Variants in ACSBG1 observed in about 807,000 individuals in gnomAD.
ACSBG1 encodes the protein acyl-CoA synthetase bubblegum family member 1.
Under a neutral mutation model 80.2 loss-of-function variants are expected in ACSBG1, and 39 were observed. That is an observed-to-expected ratio of 0.49 (90% CI 0.38 to 0.64). The LOEUF (loss-of-function observed/expected upper bound fraction) is 0.64. Ranked by LOEUF, ACSBG1 falls within the 30% of genes least tolerant of loss-of-function variation. The pLI is 0.00. For synonymous variants in ACSBG1, 392 were observed against 379.5 expected (o/e 1.03, Z -0.38); for missense variants, 828 against 966.4 (o/e 0.86, Z 1.90).
At chr15:78,193,743 G>A (rs2075081256) in intron 4 of ACSBG1, 117 bp from the exon 5 acceptor site, 2 of 1,463,200 alleles carry the variant, frequency 1.4e-6, no homozygotes, top group South Asian at 2.8e-5. Flanking sequence ...GGCAGGAGGG[G>A]CTCCCAAGGC....
At chr15:78,197,122 T>C (rs904971254) in intron 2 of ACSBG1, among the ~76,000 whole-genome samples, 1 of 151,810 alleles carries the variant, frequency 6.6e-6, no homozygotes, top group Non-Finnish European at 1.5e-5. Flanking sequence ...AGGAATAAAG[T>C]ATTGATAGAG....
intron 11 of ACSBG1, among the ~76,000 whole-genome samples, chr15:78,176,619 A>G (rs2074885290): frequency 6.6e-6 from 1 of 152,210 alleles, no homozygotes; most frequent in Non-Finnish European, 1.5e-5. Flanking sequence ...AAGATGTGCA[A>G]AAATCTCTAC....
chr15:78,205,379 G>C (rs970872939), intron 2 of ACSBG1, among the ~76,000 whole-genome samples: 7 of 152,192 alleles, frequency 4.6e-5, no homozygotes, highest in African/African-American at 1.7e-4. Context: ...CCTGATTCCT[G>C]TGTACAAGAC....
chr15:78,202,604 C>T (rs576077933), intron 2 of ACSBG1, among the ~76,000 whole-genome samples: 1 of 152,330 alleles, frequency 6.6e-6, no homozygotes, highest in East Asian at 1.9e-4. Context: ...CCTAACCTCC[C>T]TCTCTCCCTA....
intron 2 of ACSBG1, among the ~76,000 whole-genome samples, chr15:78,202,202 C>T (rs1158608053): frequency 6.6e-6 from 1 of 151,936 alleles, no homozygotes; most frequent in African/African-American, 2.4e-5. Flanking sequence ...TATGTTCTTT[C>T]CTATTATTAT....
chr15:78,183,274 T>C (rs2074967474), intron 5 of ACSBG1, among the ~76,000 whole-genome samples: 1 of 152,214 alleles, frequency 6.6e-6, no homozygotes. Context: ...AAACAAGTAT[T>C]TACTTATGTT....
intron 1 of ACSBG1, among the ~76,000 whole-genome samples, chr15:78,217,499 G>C (rs905356292): frequency 1.3e-5 from 2 of 152,112 alleles, no homozygotes; most frequent in Admixed American, 1.3e-4. Context: ...GAGGTACAGA[G>C]AGTGAGGCAC....
chr15:78,226,231 T>TA (rs1269245054), intron 1 of ACSBG1, among the ~76,000 whole-genome samples: 2 of 151,658 alleles, frequency 1.3e-5, no homozygotes, highest in Non-Finnish European at 2.9e-5. Flanking sequence ...TATATAGAAA[T>TA]AAAAAAAAGA....
rs945703463 is a variant in ACSBG1, at chr15:78,171,284, C to T, written c.*160G>A. The T allele has an allele frequency of 7.3e-6, 4 of 547,460 alleles. No individual in the cohort carries two copies. Among genetic ancestry groups the T allele is most frequent in the South Asian group, 2.6e-5 (1 of 38,826 alleles). 33.9% of individuals were successfully genotyped at this position (547,460 alleles called of 1,614,324 possible). ...TCTTGGAATTGTCAGCTATTGTTGG[C>T]GTAAGACCTGGTAAATGTAGAGCCA... On this transcript the variant is annotated 3_prime_UTR_variant, in exon 14 of 14. Coordinates refer to ENST00000258873, the MANE Select transcript of ACSBG1 (RefSeq NM_015162.5).
chr15:78,193,852 TA>T, intron 4 of ACSBG1, 79 bp downstream of exon 4: 1 of 1,537,658 alleles, frequency 6.5e-7, no homozygotes, highest in Non-Finnish European at 8.9e-7. Flanking sequence ...TGGGGGCTGC[TA>T]AAAAGAGATA....
chr15:78,210,113 T>C (rs2075254848), intron 1 of ACSBG1, among the ~76,000 whole-genome samples: 1 of 152,160 alleles, frequency 6.6e-6, no homozygotes, highest in Non-Finnish European at 1.5e-5. Flanking sequence ...GGTGGGTGCC[T>C]TTTCCTGGAG....
In ACSBG1 at chr15:78,234,408, T is replaced by C. The variant is rs768671989; in HGVS notation, c.94A>G (p.Met32Val). ...TTTTCTTGGGTGGTCCTCACAATCA[T>C]GTCCTGCCGGCTCTCCTGTGGGGTC... The part of the protein sequence containing the change: ...RETPQESRQD[M>V]IVRTTQEKLK... Residue 32 changes from methionine (M) to valine (V), a missense_variant, in exon 1 of 14, where the codon ATG becomes GTG. Met to Val is a conservative substitution (Grantham distance 21). Coordinates refer to ENST00000258873, the MANE Select transcript of ACSBG1 (RefSeq NM_015162.5). 4 of 1,612,926 alleles carry C rather than the reference T, an allele frequency of 2.5e-6. No homozygotes were observed. The highest frequency in any genetic ancestry group is 2.2e-5 in the South Asian group (2 of 91,080).
intron 1 of ACSBG1, among the ~76,000 whole-genome samples, chr15:78,218,936 C>T (rs940665534): frequency 9.9e-5 from 15 of 151,844 alleles, no homozygotes; most frequent in Middle Eastern, 6.8e-3. Flanking sequence ...CTCAGCCTCC[C>T]GAATAGCTGG....
At chr15:78,203,529 C>T (rs192863674) in intron 2 of ACSBG1, among the ~76,000 whole-genome samples, 41 of 152,240 alleles carry the variant, frequency 2.7e-4, no homozygotes, top group Non-Finnish European at 4.3e-4. Context: ...CTCCCTCTGC[C>T]GCTTCCTCCC....
chr15:78,185,716 T>G (rs2074996448), intron 5 of ACSBG1, among the ~76,000 whole-genome samples: 1 of 151,888 alleles, frequency 6.6e-6, no homozygotes, highest in Non-Finnish European at 1.5e-5. Context: ...ATAACCAAAT[T>G]GCTGAAAATC....
At chr15:78,201,016 C>T (rs963567789) in intron 2 of ACSBG1, among the ~76,000 whole-genome samples, 9 of 152,238 alleles carry the variant, frequency 5.9e-5, no homozygotes, top group Non-Finnish European at 1.3e-4. Context: ...TGTGCTGCGA[C>T]TCTGCCTGCA....
intron 13 of ACSBG1, among the ~76,000 whole-genome samples, chr15:78,173,332 G>T (rs1266124740): frequency 9.8e-6 from 1 of 102,414 alleles, no homozygotes; most frequent in Admixed American, 1.6e-4. Context: ...GTGACACAGC[G>T]AGACTCCATC....
intron 1 of ACSBG1, among the ~76,000 whole-genome samples, chr15:78,215,018 A>T (rs1056413105): frequency 6.6e-6 from 1 of 152,134 alleles, no homozygotes; most frequent in Non-Finnish European, 1.5e-5. Context: ...CCCTTTTGAG[A>T]AGCTGCTGGG....
intron 1 of ACSBG1, among the ~76,000 whole-genome samples, chr15:78,219,928 A>G (rs1165142046): frequency 6.6e-6 from 1 of 152,230 alleles, no homozygotes; most frequent in East Asian, 1.9e-4. Context: ...GCTTGCAGTG[A>G]GCTGAGATCA....
Sources: allele counts gnomAD v4.1 joint callset (sites outside exome capture counted in the v4.1 genomes callset), GRCh38; gene constraint gnomAD v4.1.1; transcripts MANE v1.5; gene names NCBI Gene and HGNC (gene_info 2026-07-23, HGNC 2026-07-21).